The following MCC variants were observed in gnomAD, a reference collection of about 807,000 sequenced individuals.
The protein encoded by MCC is MCC regulator of Wnt signaling pathway.
Under a neutral mutation model 116.2 loss-of-function variants are expected in MCC, and 90 were observed. The ratio of observed to expected loss-of-function variants is 0.77; its 90% CI spans 0.65 to 0.92. The LOEUF (loss-of-function observed/expected upper bound fraction) is 0.92. Ranked by LOEUF, MCC falls within the 40% of genes least tolerant of loss-of-function variation. The pLI, the probability that MCC is intolerant of heterozygous loss-of-function variation, is 0.00. For synonymous variants in MCC, 578 were observed against 510.5 expected (o/e 1.13, Z -1.78); for missense variants, 1,516 against 1,312.2 (o/e 1.16, Z -2.40).
At chr5:113,421,234 C>CATTTT (rs1770325502) in intron 1 of MCC, among the ~76,000 whole-genome samples, 1 of 151,970 alleles carries the variant, frequency 6.6e-6, no homozygotes, top group Non-Finnish European at 1.5e-5. Flanking sequence ...CCAGGTTGTT[C>CATTTT]AGGCTGGTCC....
At chr5:113,344,033 G>A (rs527984143) in intron 2 of MCC, among the ~76,000 whole-genome samples, 16 of 152,174 alleles carry the variant, frequency 1.1e-4, no homozygotes, top group Non-Finnish European at 2.4e-4. Context: ...CACTCAAGAG[G>A]TAGGAAAGAC....
rs180823836 is a variant in MCC, at chr5:113,151,281, A to G, written c.741+28T>C. The G allele has an allele frequency of 2.1e-6, 3 of 1,407,060 alleles. No homozygotes were observed. The East Asian group carries it at 6.9e-5, about 32-fold the overall frequency. The allele number at this position is 1,407,060 out of a possible 1,614,324, so 87.2% of individuals were successfully genotyped here. The stretch of plus-strand genomic sequence containing the variant: ...AATATTTAAAACAAAAAACAAAAGC[A>G]AACTAAAAACCTTTCCAGATCCCTT... On this transcript the variant is annotated intron_variant, in intron 4 of 18. Transcript: ENST00000408903.
At chr5:113,049,353 C>G (rs1752337837) in intron 15 of MCC, 54 bp from the exon 16 acceptor site, 4 of 1,428,976 alleles carry the variant, frequency 2.8e-6, no homozygotes, top group Non-Finnish European at 3.8e-6. Flanking sequence ...GAGAGCAGGC[C>G]TGGCTGCTGC....
intron 1 of MCC, among the ~76,000 whole-genome samples, chr5:113,476,886 T>C (rs1422262560): frequency 6.6e-6 from 1 of 152,234 alleles, no homozygotes; most frequent in Non-Finnish European, 1.5e-5. Context: ...AATGGGTTAA[T>C]TATGTAGTAC....
At chr5:113,468,974 G>A (rs1771997735) in intron 1 of MCC, among the ~76,000 whole-genome samples, 1 of 152,026 alleles carries the variant, frequency 6.6e-6, no homozygotes, top group Non-Finnish European at 1.5e-5. Context: ...TTGCATAGAG[G>A]TGTTTATAGT....
At chr5:113,223,781 T>C (rs143357406) in intron 3 of MCC, among the ~76,000 whole-genome samples, 13 of 152,304 alleles carry the variant, frequency 8.5e-5, no homozygotes, top group East Asian at 1.9e-4. Context: ...CCTCATTTGT[T>C]CATAGGTTTG....
At position 113,026,486 on chromosome 5, in the gene MCC, C is replaced by T. The variant is rs1323917322; in HGVS notation, c.*816G>A. 1 of 152,168 alleles carries T rather than the reference C, an allele frequency of 6.6e-6. No homozygotes were observed. The highest frequency in any genetic ancestry group is 2.4e-5 in the African/African-American group (1 of 41,432). 9.4% of individuals were successfully genotyped at this position (152,168 alleles called of 1,614,324 possible). ...AGAAACCCCTGACAGAATTTTAGTTCCACTACAGGTATCAAAAAGATTCCC... is the reference window on the plus strand; with the variant it reads ...AGAAACCCCTGACAGAATTTTAGTTTCACTACAGGTATCAAAAAGATTCCC... On this transcript the variant is annotated 3_prime_UTR_variant, in exon 19 of 19. Transcript: ENST00000408903.
intron 3 of MCC, among the ~76,000 whole-genome samples, chr5:113,278,746 A>C (rs541765751): frequency 8.5e-5 from 13 of 152,276 alleles, no homozygotes; most frequent in Admixed American, 7.8e-4. Flanking sequence ...AGTGATCAAC[A>C]GGGTATATGG....
chr5:113,136,807 A>G (rs72803266), intron 5 of MCC, among the ~76,000 whole-genome samples: 1 of 152,312 alleles, frequency 6.6e-6, no homozygotes, highest in Non-Finnish European at 1.5e-5. Flanking sequence ...TCTGCGAACA[A>G]GGTGAATTTG....
intron 1 of MCC, among the ~76,000 whole-genome samples, chr5:113,465,938 C>T (rs1467091157): frequency 6.6e-6 from 1 of 151,768 alleles, no homozygotes; most frequent in Non-Finnish European, 1.5e-5. Flanking sequence ...TACATTAACC[C>T]ACATTTTTTT....
At position 113,101,940 on chromosome 5, in the gene MCC, G is replaced by A. The variant is rs148008560; in HGVS notation, c.1197C>T (p.Val399=). 8.7e-6 allele frequency: 14 copies of A among 1,613,390 alleles called. No individual in the cohort carries two copies. Among genetic ancestry groups the A allele is most frequent in the Admixed American group, 5.0e-5 (3 of 59,880 alleles). Residue 399 remains valine (V), a synonymous_variant, in exon 8 of 19, where the codon GTC becomes GTT. Coordinates refer to ENST00000408903, the MANE Select transcript of MCC (RefSeq NM_001085377.2). ...SEHCDLAIKT[V]EEIEGVLGRD... Reference sequence around the variant, plus strand: ...GGCCAAGCACCCCCTCAATCTCCTCGACTGTCTGTAAAACACAGCCCCAAA... The same window carrying A: ...GGCCAAGCACCCCCTCAATCTCCTCAACTGTCTGTAAAACACAGCCCCAAA...
At chr5:113,260,625 G>A (rs1454107411) in intron 3 of MCC, among the ~76,000 whole-genome samples, 1 of 151,920 alleles carries the variant, frequency 6.6e-6, no homozygotes, top group African/African-American at 2.4e-5. Context: ...TCTGTGCTCT[G>A]TTCCATTAAA....
At chr5:113,337,905 T>C (rs978600504) in intron 3 of MCC, among the ~76,000 whole-genome samples, 1 of 152,202 alleles carries the variant, frequency 6.6e-6, no homozygotes, top group Non-Finnish European at 1.5e-5. Flanking sequence ...CAGACCCTTC[T>C]GAGTAGACCC....
intron 3 of MCC, among the ~76,000 whole-genome samples, chr5:113,311,850 A>G (rs112930190): frequency 0.04 from 6,107 of 151,784 alleles, 401 homozygotes; most frequent in African/African-American, 0.14. Context: ...GCTGATGCCT[A>G]TAATCCCAGC....
At chr5:113,265,579 C>G (rs544132553) in intron 3 of MCC, among the ~76,000 whole-genome samples, 1 of 152,266 alleles carries the variant, frequency 6.6e-6, no homozygotes, top group Admixed American at 6.5e-5. Context: ...CCCAAAACCC[C>G]TTGAGAAAAT....
intron 3 of MCC, among the ~76,000 whole-genome samples, chr5:113,302,918 G>T (rs142975952): frequency 6.6e-6 from 1 of 152,334 alleles, no homozygotes; most frequent in African/African-American, 2.4e-5. Flanking sequence ...GATGTTTGTG[G>T]CTTAGAACTT....
intron 14 of MCC, among the ~76,000 whole-genome samples, chr5:113,062,085 G>A (rs1020984937): frequency 2.0e-5 from 3 of 152,136 alleles, no homozygotes; most frequent in Non-Finnish European, 2.9e-5. Context: ...TGATTTGGGC[G>A]GGAGGGTAAA....
intron 5 of MCC, among the ~76,000 whole-genome samples, chr5:113,124,936 T>C (rs6883605): frequency 0.44 from 67,585 of 152,140 alleles, 17,940 homozygotes; most frequent in East Asian, 0.64. Context: ...GAAGACCTCC[T>C]GGGTGGAGCA....
At chr5:113,100,464 CTTTTTTTTTTTTT>C (rs10649958) in intron 8 of MCC, among the ~76,000 whole-genome samples, 14 of 78,846 alleles carry the variant, frequency 1.8e-4, no homozygotes, top group South Asian at 6.3e-4. Context: ...GTATTTTTCC[CTTTTTTTTTTTTT>C]TTTTTTTTTT....
Sources: gnomAD v4.1 joint callset for allele counts (sites outside exome capture counted in the v4.1 genomes callset) on GRCh38, gnomAD v4.1.1 for gene constraint, MANE v1.5 for transcripts, NCBI Gene and HGNC (gene_info 2026-07-23, HGNC 2026-07-21) for gene names.